The following CNTNAP5 variants were observed in gnomAD, a reference collection of about 807,000 sequenced individuals.
CNTNAP5 encodes the protein contactin-associated protein-like 5.
A neutral mutation model predicts 150.2 loss-of-function variants in CNTNAP5; 72 were observed. That is an observed-to-expected ratio of 0.48 (90% CI 0.40 to 0.58). The LOEUF (loss-of-function observed/expected upper bound fraction) is 0.58. Ranked by LOEUF, CNTNAP5 falls within the 20% of genes least tolerant of loss-of-function variation. CNTNAP5 has a pLI of 0.00. For synonymous variants in CNTNAP5, 672 were observed against 619.8 expected, an observed-to-expected ratio of 1.08 and a Z score of -1.25; for missense variants, 1,636 against 1,626.2, an observed-to-expected ratio of 1.01 and a Z score of -0.10.
At chr2:124,151,918 T>C (rs1292830044) in intron 1 of CNTNAP5, among the ~76,000 whole-genome samples, 1 of 152,196 alleles carries the variant, frequency 6.6e-6, no homozygotes, top group Non-Finnish European at 1.5e-5. Flanking sequence ...CCAGGCACTG[T>C]TACTTAAGGA....
At chr2:124,255,053 AG>A (rs1400705757) in intron 3 of CNTNAP5, among the ~76,000 whole-genome samples, 2 of 152,172 alleles carry the variant, frequency 1.3e-5, no homozygotes, top group Non-Finnish European at 2.9e-5. Context: ...CAGGTTAGCA[AG>A]GAGAGGTCAG....
At chr2:124,419,942 T>A (rs1000625702) in intron 4 of CNTNAP5, among the ~76,000 whole-genome samples, 2 of 127,262 alleles carry the variant, frequency 1.6e-5, no homozygotes, top group African/African-American at 6.6e-5. Context: ...CTTTCTTTCT[T>A]TCTTTCTTTC....
At chr2:124,834,932 G>A (rs1276213168) in intron 19 of CNTNAP5, among the ~76,000 whole-genome samples, 2 of 151,288 alleles carry the variant, frequency 1.3e-5, no homozygotes, top group East Asian at 1.9e-4. Flanking sequence ...TAGTGACCTT[G>A]GTAAAGTCAT....
chr2:124,708,939 C>A (rs1160235853), intron 13 of CNTNAP5, among the ~76,000 whole-genome samples: 5 of 152,112 alleles, frequency 3.3e-5, no homozygotes, highest in Non-Finnish European at 5.9e-5. Flanking sequence ...GGCAGAGGGC[C>A]CAGCTTACAG....
At chr2:124,655,905 AAAAG>A (rs1244400712) in intron 13 of CNTNAP5, among the ~76,000 whole-genome samples, 1 of 146,444 alleles carries the variant, frequency 6.8e-6, no homozygotes, top group East Asian at 2.0e-4. Context: ...AACTGGAAAG[AAAAG>A]AAAGAAAGAC....
chr2:124,527,349 G>C lies in CNTNAP5; in HGVS notation c.1542G>C (p.Met514Ile), dbSNP rs1270451384. The change falls in exon 10 of 24, where the codon ATG becomes ATC. Residue 514 changes from methionine to isoleucine, a missense_variant. Transcript: ENST00000682447. The stretch of plus-strand genomic sequence containing the variant: ...CCATTAAGGCTTTCCAAGGCTGCAT[G>C]AGGCTCATCTTTATTGATAACCAGC... ...LNPIKAFQGC[M>I]RLIFIDNQPK... is the part of the protein sequence containing the mutation. 1 of 1,613,714 alleles carries C rather than the reference G, an allele frequency of 6.2e-7. No homozygotes were observed. Among genetic ancestry groups the C allele is most frequent in the East Asian group, 2.2e-5 (1 of 44,844 alleles).
At chr2:124,394,863 G>A (rs1691206883) in intron 3 of CNTNAP5, among the ~76,000 whole-genome samples, 1 of 152,126 alleles carries the variant, frequency 6.6e-6, no homozygotes, top group African/African-American at 2.4e-5. Flanking sequence ...ATCTTGTGAA[G>A]CTCCAATTCA....
intron 22 of CNTNAP5, among the ~76,000 whole-genome samples, chr2:124,906,212 A>T (rs953070066): frequency 6.6e-6 from 1 of 152,144 alleles, no homozygotes; most frequent in Non-Finnish European, 1.5e-5. Context: ...ATTATGCTTT[A>T]AAGTGGTTTG....
At chr2:124,551,041 T>C (rs1472759376) in intron 10 of CNTNAP5, among the ~76,000 whole-genome samples, 3 of 152,136 alleles carry the variant, frequency 2.0e-5, no homozygotes, top group Non-Finnish European at 4.4e-5. Context: ...TTTTTCAGTG[T>C]GCGGTAGAGT....
intron 3 of CNTNAP5, among the ~76,000 whole-genome samples, chr2:124,302,034 T>C (rs566416842): frequency 1.3e-5 from 2 of 152,184 alleles, no homozygotes; most frequent in African/African-American, 4.8e-5. Flanking sequence ...GACCCTAAGA[T>C]GGCATACACA....
chr2:124,658,167 C>G (rs905948669), intron 13 of CNTNAP5, among the ~76,000 whole-genome samples: 5 of 152,176 alleles, frequency 3.3e-5, no homozygotes, highest in Non-Finnish European at 5.9e-5. Context: ...TGACAACACA[C>G]GTGCACTTGG....
chr2:124,771,019 T>G (rs1376269827), intron 16 of CNTNAP5, among the ~76,000 whole-genome samples: 1 of 152,174 alleles, frequency 6.6e-6, no homozygotes. Context: ...CTACCTTTCC[T>G]TTAGGCCAGG....
At chr2:124,444,925 T>A (rs1221626928) in intron 5 of CNTNAP5, among the ~76,000 whole-genome samples, 2 of 152,130 alleles carry the variant, frequency 1.3e-5, no homozygotes, top group African/African-American at 4.8e-5. Context: ...GTGCACTGAG[T>A]GCTGGAAACC....
intron 1 of CNTNAP5, among the ~76,000 whole-genome samples, chr2:124,048,431 A>G (rs1010343162): frequency 1.3e-5 from 2 of 152,214 alleles, no homozygotes; most frequent in African/African-American, 4.8e-5. Context: ...GTAAGTGTCC[A>G]TGAAAGAGTT....
At chr2:124,669,423 C>T (rs1678764036) in intron 13 of CNTNAP5, among the ~76,000 whole-genome samples, 1 of 152,208 alleles carries the variant, frequency 6.6e-6, no homozygotes, top group Admixed American at 6.5e-5. Context: ...GTGGTCTTGC[C>T]TCTGACTGTA....
chr2:124,755,882 A>G (rs1418303729), intron 14 of CNTNAP5, among the ~76,000 whole-genome samples: 2 of 152,156 alleles, frequency 1.3e-5, no homozygotes, highest in Non-Finnish European at 2.9e-5. Context: ...ATATTTTATT[A>G]TGTAATGGAA....
intron 2 of CNTNAP5, among the ~76,000 whole-genome samples, chr2:124,240,404 A>G (rs1173267841): frequency 6.6e-6 from 1 of 152,072 alleles, no homozygotes; most frequent in Non-Finnish European, 1.5e-5. Flanking sequence ...AATTATTCCC[A>G]CTCACATTCT....
intron 3 of CNTNAP5, among the ~76,000 whole-genome samples, chr2:124,315,511 C>G (rs1688940311): frequency 6.6e-6 from 1 of 152,118 alleles, no homozygotes; most frequent in South Asian, 2.1e-4. Flanking sequence ...AGCTGCTCCA[C>G]TTCTCTGTTT....
At chr2:124,747,208 G>T (rs1212746134) in intron 13 of CNTNAP5, 21 bp from the exon 14 acceptor site, 1 of 1,608,292 alleles carries the variant, frequency 6.2e-7, no homozygotes, top group Non-Finnish European at 8.5e-7. Context: ...ACCCTGACTG[G>T]TGGAATATCT....
Sources: allele counts gnomAD v4.1 joint callset (sites outside exome capture counted in the v4.1 genomes callset), GRCh38; gene constraint gnomAD v4.1.1; transcripts MANE v1.5; gene names NCBI Gene and HGNC (gene_info 2026-07-23, HGNC 2026-07-21).